VAC14: variants seen among roughly 807,000 people sequenced by gnomAD.
VAC14 encodes protein VAC14 homolog.
VAC14 carries 47 observed loss-of-function variants against 85.3 expected under a neutral mutation model. That is an observed-to-expected ratio of 0.55 (90% CI 0.44 to 0.70). The LOEUF (loss-of-function observed/expected upper bound fraction) is 0.70. Ranked by LOEUF, VAC14 falls within the 30% of genes least tolerant of loss-of-function variation. The probability of loss-of-function intolerance (pLI) is 0.00; values close to 1 mark genes in which losing one functional copy is unlikely to be tolerated. For missense variants in VAC14, 861 were observed against 1,004.3 expected (o/e 0.86, Z 1.93); for synonymous variants, 447 against 430.5 (o/e 1.04, Z -0.47).
chr16:70,736,689 G>A (rs2054763466), intron 13 of VAC14, among the ~76,000 whole-genome samples: 2 of 152,230 alleles, frequency 1.3e-5, no homozygotes, highest in Non-Finnish European at 2.9e-5. Context: ...GAGGAGGGCA[G>A]TGTCACAGCT....
intron 10 of VAC14, among the ~76,000 whole-genome samples, chr16:70,764,454 T>G (rs965477720): frequency 6.6e-6 from 1 of 152,162 alleles, no homozygotes; most frequent in Non-Finnish European, 1.5e-5. Flanking sequence ...GACAGTACTG[T>G]GCAGGTAGAG....
intron 13 of VAC14, 101 bp from the exon 14 acceptor site, chr16:70,731,728 T>C: frequency 2.3e-6 from 3 of 1,306,352 alleles, no homozygotes; most frequent in Non-Finnish European, 3.1e-6. Context: ...CAAAAAGATG[T>C]GTGTGGGGGG....
chr16:70,759,553 C>A (rs1274646979), intron 12 of VAC14, among the ~76,000 whole-genome samples: 3 of 152,076 alleles, frequency 2.0e-5, no homozygotes, highest in Admixed American at 6.6e-5. Flanking sequence ...GCTTGAACCC[C>A]GGAGGTGGAG....
At chr16:70,765,468 T>A (rs538609383) in intron 10 of VAC14, among the ~76,000 whole-genome samples, 54 of 152,108 alleles carry the variant, frequency 3.6e-4, no homozygotes, top group Non-Finnish European at 7.2e-4. Flanking sequence ...CCTGGGCGCT[T>A]TCCTACACAG....
chr16:70,727,296 G>A (rs1199497293), intron 14 of VAC14, among the ~76,000 whole-genome samples: 1 of 152,182 alleles, frequency 6.6e-6, no homozygotes, highest in Non-Finnish European at 1.5e-5. Flanking sequence ...CTTCATGCCA[G>A]CATCTGCGGA....
Position 70,691,874 on chromosome 16 carries a change from T to C in VAC14, c.2186+947A>G. 4.1e-6 allele frequency: 4 copies of C among 985,400 alleles called. No homozygotes were observed. The South Asian group carries it at 1.9e-4, about 46-fold the overall frequency. The allele number at this position is 985,400 out of a possible 1,614,324, so 61.0% of individuals were successfully genotyped here. ...CGGGCAGGCCTGTCTCAAGGCTGCC[T>C]GTGTCCATCGCAAAGGCGAGCACCC... On this transcript the variant is annotated intron_variant, in intron 18 of 18. Coordinates refer to ENST00000261776, the MANE Select transcript of VAC14 (RefSeq NM_018052.5).
At chr16:70,760,256 G>C (rs985869475) in intron 12 of VAC14, among the ~76,000 whole-genome samples, 3 of 152,100 alleles carry the variant, frequency 2.0e-5, no homozygotes, top group Non-Finnish European at 4.4e-5. Flanking sequence ...TCCAATTCGA[G>C]ATCAGGGCTG....
chr16:70,720,404 C>G (rs1423989685), intron 14 of VAC14, among the ~76,000 whole-genome samples: 1 of 152,180 alleles, frequency 6.6e-6, no homozygotes, highest in Non-Finnish European at 1.5e-5. Context: ...CCGCTTTGAT[C>G]AGGACGAGGA....
chr16:70,761,981 C>T (rs1178175151), intron 12 of VAC14, among the ~76,000 whole-genome samples: 1 of 152,306 alleles, frequency 6.6e-6, no homozygotes, highest in South Asian at 2.1e-4. Context: ...AAGTGTCTTG[C>T]CTTTGGGCAG....
chr16:70,785,566 G>A, intron 3 of VAC14, 136 bp downstream of exon 3: 1 of 1,025,182 alleles, frequency 9.8e-7, no homozygotes, highest in Non-Finnish European at 1.4e-6. Flanking sequence ...AGATTCAACA[G>A]ACAGTAAGTG....
At position 70,786,168 on chromosome 16, in the gene VAC14, C is replaced by T. The variant is rs376171900; in HGVS notation, c.255+47G>A. 7 of 1,596,168 alleles carry T rather than the reference C, an allele frequency of 4.4e-6. No homozygotes were observed. The African/African-American group carries it at 6.7e-5, about 15-fold the overall frequency. ...GAAGGCATCGGGATGGCTTGGTCAG[C>T]GTCAAGGCCAGGACTGGTATGTCTG... On this transcript the variant is annotated intron_variant, in intron 2 of 18. Coordinates refer to ENST00000261776, the MANE Select transcript of VAC14 (RefSeq NM_018052.5).
At chr16:70,740,143 TAG>T (rs1268786277) in intron 13 of VAC14, among the ~76,000 whole-genome samples, 1 of 152,162 alleles carries the variant, frequency 6.6e-6, no homozygotes, top group Non-Finnish European at 1.5e-5. Flanking sequence ...GTATTTTCAG[TAG>T]AGACAGGGTT....
intron 12 of VAC14, among the ~76,000 whole-genome samples, chr16:70,754,118 T>C (rs1413606632): frequency 3.3e-5 from 5 of 152,052 alleles, no homozygotes; most frequent in Admixed American, 6.5e-5. Context: ...GAGAGGTAAA[T>C]ACTCAAACCC....
At chr16:70,692,592 C>T (rs966283117) in intron 18 of VAC14, among the ~76,000 whole-genome samples, 3 of 152,184 alleles carry the variant, frequency 2.0e-5, no homozygotes, top group African/African-American at 4.8e-5. Flanking sequence ...TTGCTACTCC[C>T]GGCCACCGTG....
At chr16:70,737,302 G>A (rs1470375765) in intron 13 of VAC14, among the ~76,000 whole-genome samples, 5 of 152,190 alleles carry the variant, frequency 3.3e-5, no homozygotes, top group Non-Finnish European at 5.9e-5. Flanking sequence ...ACTGCGCTCC[G>A]AGGACCTCAG....
intron 14 of VAC14, among the ~76,000 whole-genome samples, chr16:70,731,016 T>C (rs1013880676): frequency 6.6e-6 from 1 of 152,182 alleles, no homozygotes; most frequent in African/African-American, 2.4e-5. Context: ...ATGCTGCTGG[T>C]GATGACAGTT....
intron 12 of VAC14, chr16:70,755,235 G>C (rs945041485): frequency 2.9e-6 from 1 of 345,168 alleles, no homozygotes; most frequent in Non-Finnish European, 5.8e-6. Flanking sequence ...CTGGAGGGGG[G>C]CTAGGGGCCA....
rs1408065151 is a variant in VAC14 at position 70,737,729 on chromosome 16, CACAA to C, written c.1529-6106_1529-6103del. Among the ~76,000 whole-genome samples the C allele has an allele frequency of 2.6e-5, 4 of 152,352 alleles. No homozygotes were observed. The East Asian group carries it at 5.8e-4, about 22-fold the overall frequency. On this transcript the variant is annotated intron_variant, in intron 13 of 18. Coordinates refer to ENST00000261776, the MANE Select transcript of VAC14 (RefSeq NM_018052.5). ...TGACATGAGAATCCACAGAACGTCT[CACAA>C]ACAACCTGCCCCGGGATGTTTTGGA...
intron 13 of VAC14, among the ~76,000 whole-genome samples, chr16:70,739,404 T>G (rs551992835): frequency 6.6e-6 from 1 of 152,322 alleles, no homozygotes; most frequent in East Asian, 1.9e-4. Flanking sequence ...GGCATTGCCG[T>G]GGCCTGAGGC....
Sources: allele counts gnomAD v4.1 joint callset (sites outside exome capture counted in the v4.1 genomes callset), GRCh38; gene constraint gnomAD v4.1.1; transcripts MANE v1.5; gene names NCBI Gene and HGNC (gene_info 2026-07-23, HGNC 2026-07-21).